EXT1: variants seen among roughly 807,000 people sequenced by gnomAD.
The protein encoded by EXT1 is exostosin glycosyltransferase 1, also known as exostosin-1.
EXT1 carries 20 observed loss-of-function variants against 82.5 expected under a neutral mutation model. The observed-to-expected ratio is 0.24, with a 90% confidence interval of 0.17 to 0.35. EXT1 has a LOEUF of 0.35. Ranked by LOEUF, EXT1 falls within the 10% of genes least tolerant of loss-of-function variation. EXT1 has a pLI of 1.00. For synonymous variants in EXT1, 348 were observed against 350.8 expected (o/e 0.99, Z 0.09); for missense variants, 757 against 936.5 (o/e 0.81, Z 2.50).
intron 1 of EXT1, among the ~76,000 whole-genome samples, chr8:117,926,398 G>A (rs1186298838): frequency 6.6e-6 from 1 of 152,176 alleles, no homozygotes; most frequent in African/African-American, 2.4e-5. Context: ...ACCCCAGAGA[G>A]GGCCTCTTCC....
At chr8:117,867,746 C>T (rs1054992017) in intron 1 of EXT1, among the ~76,000 whole-genome samples, 8 of 152,254 alleles carry the variant, frequency 5.3e-5, no homozygotes, top group South Asian at 4.1e-4. Flanking sequence ...TTTTGCAGTT[C>T]GGAGGCTGTT....
intron 1 of EXT1, among the ~76,000 whole-genome samples, chr8:118,102,614 C>G (rs566569834): frequency 1.5e-4 from 23 of 152,186 alleles, no homozygotes; most frequent in Non-Finnish European, 2.5e-4. Flanking sequence ...ATTTACTCAC[C>G]ATTAATTAAA....
intron 1 of EXT1, among the ~76,000 whole-genome samples, chr8:118,083,538 C>A (rs916644613): frequency 6.6e-6 from 1 of 152,116 alleles, no homozygotes; most frequent in Non-Finnish European, 1.5e-5. Context: ...CAGACAGGTT[C>A]TCTGCCTATG....
At chr8:118,042,845 T>C (rs1421513014) in intron 1 of EXT1, among the ~76,000 whole-genome samples, 1 of 152,174 alleles carries the variant, frequency 6.6e-6, no homozygotes, top group Non-Finnish European at 1.5e-5. Flanking sequence ...GTTGAATCAG[T>C]CTCACTTGTT....
chr8:118,080,166 T>C (rs1817286885), intron 1 of EXT1, among the ~76,000 whole-genome samples: 1 of 152,124 alleles, frequency 6.6e-6, no homozygotes, highest in African/African-American at 2.4e-5. Context: ...ATAGAGAAAA[T>C]GGTATGGAGG....
intron 1 of EXT1, among the ~76,000 whole-genome samples, chr8:117,884,402 A>C (rs756497869): frequency 1.3e-5 from 2 of 152,148 alleles, no homozygotes; most frequent in Non-Finnish European, 2.9e-5. Flanking sequence ...CCAGCTGTTA[A>C]AGTCTGCAGC....
intron 1 of EXT1, among the ~76,000 whole-genome samples, chr8:117,963,942 C>A (rs571549059): frequency 2.6e-5 from 4 of 152,208 alleles, no homozygotes; most frequent in African/African-American, 9.6e-5. Context: ...AACCCACATC[C>A]CCTCCCAACC....
At chr8:117,961,932 C>T (rs944598106) in intron 1 of EXT1, among the ~76,000 whole-genome samples, 1 of 152,134 alleles carries the variant, frequency 6.6e-6, no homozygotes, top group Non-Finnish European at 1.5e-5. Context: ...ACTATGAACT[C>T]GCCACTTAGT....
Position 117,809,218 on chromosome 8 carries a change from A to AACATATATATATATATATATATATAT in EXT1, c.1723-1842_1723-1841insATATATATATATATATATATATATGT, listed in dbSNP as rs71569748. On this transcript the variant is annotated intron_variant, in intron 8 of 10. Coordinates refer to ENST00000378204, the MANE Select transcript of EXT1 (RefSeq NM_000127.3). ...GTATATATATGTGTGTGTGTGTATAAATATATATATATATATATATATATA... is the reference window on the plus strand; with the variant it reads ...GTATATATATGTGTGTGTGTGTATAAACATATATATATATATATATATATATATATATATATATATATATATATATA... Among the ~76,000 whole-genome samples, 38 of 107,942 alleles carry AACATATATATATATATATATATATAT rather than the reference A, an allele frequency of 3.5e-4. 1 individual carries two copies. Among genetic ancestry groups the AACATATATATATATATATATATATAT allele is most frequent in the African/African-American group, 1.2e-3 (37 of 31,968 alleles). The allele number at this position is 107,942 out of a possible 152,430, so 70.8% of individuals were successfully genotyped here.
rs541461355 is a variant in EXT1 at position 117,984,444 on chromosome 8, C to CAA, written c.962+125639_962+125640dup. Among the ~76,000 whole-genome samples the CAA allele has an allele frequency of 1.8e-3, 188 of 104,974 alleles. 1 individual carries two copies. Among genetic ancestry groups the CAA allele is most frequent in the African/African-American group, 6.5e-3 (156 of 24,174 alleles). The allele number at this position is 104,974 out of a possible 152,430, so 68.9% of individuals were successfully genotyped here. On this transcript the variant is annotated intron_variant, in intron 1 of 10. Transcript: ENST00000378204. ...ACTCCGTCTCAAAAACAAAACAAAA[C>CAA]AAAACAAAAAAAAAAAACAAAGAAA...
At chr8:117,834,987 C>T (rs956559062) in intron 3 of EXT1, among the ~76,000 whole-genome samples, 2 of 152,156 alleles carry the variant, frequency 1.3e-5, no homozygotes, top group Non-Finnish European at 2.9e-5. Context: ...AAAGATAACA[C>T]TCGCTCAGAC....
chr8:117,897,601 T>TTTC (rs1813366462), intron 1 of EXT1, among the ~76,000 whole-genome samples: 1 of 137,690 alleles, frequency 7.3e-6, no homozygotes, highest in African/African-American at 2.7e-5. Flanking sequence ...CTTTTTTTTT[T>TTTC]TTTTTTTTTT....
intron 1 of EXT1, among the ~76,000 whole-genome samples, chr8:118,104,718 C>T (rs1297576384): frequency 6.6e-6 from 1 of 152,068 alleles, no homozygotes; most frequent in African/African-American, 2.4e-5. Flanking sequence ...TTCAAAAATC[C>T]GAAATCCAAA....
chr8:117,882,373 A>G (rs1813076080), intron 1 of EXT1, among the ~76,000 whole-genome samples: 1 of 152,090 alleles, frequency 6.6e-6, no homozygotes, highest in African/African-American at 2.4e-5. Flanking sequence ...GTGAGCCATC[A>G]CGTCCAGCTC....
intron 1 of EXT1, among the ~76,000 whole-genome samples, chr8:117,931,645 C>T (rs1259591758): frequency 6.6e-6 from 1 of 152,086 alleles, no homozygotes; most frequent in East Asian, 1.9e-4. Context: ...ATGAAGAGAA[C>T]GAGGATACCT....
intron 1 of EXT1, among the ~76,000 whole-genome samples, chr8:118,087,593 T>C (rs1021670125): frequency 6.6e-6 from 1 of 152,164 alleles, no homozygotes; most frequent in Non-Finnish European, 1.5e-5. Context: ...GTTATGCCAG[T>C]TGAACAGAAT....
At chr8:117,864,671 C>G (rs1812742620) in intron 1 of EXT1, among the ~76,000 whole-genome samples, 1 of 151,478 alleles carries the variant, frequency 6.6e-6, no homozygotes, top group Admixed American at 6.6e-5. Context: ...ATGGCGTGAA[C>G]CCAGGAGGCG....
intron 1 of EXT1, among the ~76,000 whole-genome samples, chr8:118,073,139 G>T (rs181981270): frequency 2.8e-4 from 42 of 152,272 alleles, no homozygotes; most frequent in African/African-American, 1.0e-3. Flanking sequence ...AGAGGACAGA[G>T]GAAAATATAT....
intron 1 of EXT1, among the ~76,000 whole-genome samples, chr8:117,986,045 C>T (rs547481814): frequency 4.6e-5 from 7 of 152,154 alleles, no homozygotes; most frequent in African/African-American, 1.2e-4. Context: ...CTAAGGAAAG[C>T]GGTGACTCCT....
Sources: gnomAD v4.1 joint callset for allele counts (sites outside exome capture counted in the v4.1 genomes callset) on GRCh38, gnomAD v4.1.1 for gene constraint, MANE v1.5 for transcripts, NCBI Gene and HGNC (gene_info 2026-07-23, HGNC 2026-07-21) for gene names.